The following ZNF823 variants were observed in gnomAD, a reference collection of about 807,000 sequenced individuals.
The protein encoded by ZNF823 is zinc finger protein 823.
A neutral mutation model predicts 11.4 loss-of-function variants in ZNF823; 5 were observed. The ratio of observed to expected loss-of-function variants is 0.44; its 90% CI spans 0.23 to 0.92. The LOEUF (loss-of-function observed/expected upper bound fraction) is 0.92, where lower values mean the gene tolerates loss of function less well. ZNF823 is among the 40% of genes least tolerant of loss of function. The pLI is 0.24. For missense variants in ZNF823, 582 were observed against 738.5 expected, an observed-to-expected ratio of 0.79 and a Z score of 2.46; for synonymous variants, 234 against 250.5, an observed-to-expected ratio of 0.93 and a Z score of 0.62.
At chr19:11,723,768 C>T (rs1974739868) in intron 3 of ZNF823, among the ~76,000 whole-genome samples, 3 of 152,326 alleles carry the variant, frequency 2.0e-5, no homozygotes, top group Middle Eastern at 3.4e-3. Context: ...TGGTCTTGAA[C>T]TCCCGACCTC....
chr19:11,728,835 A>G (rs962622100), intron 1 of ZNF823, among the ~76,000 whole-genome samples: 2 of 152,156 alleles, frequency 1.3e-5, no homozygotes, highest in African/African-American at 4.8e-5. Flanking sequence ...GTGTATATCT[A>G]CATATACCAG....
At chr19:11,733,652 T>C (rs188671402) in intron 1 of ZNF823, among the ~76,000 whole-genome samples, 1 of 152,252 alleles carries the variant, frequency 6.6e-6, no homozygotes, top group East Asian at 1.9e-4. Flanking sequence ...TGAGCCGAGA[T>C]CATGCCACTG....
intron 1 of ZNF823, among the ~76,000 whole-genome samples, chr19:11,736,604 T>C (rs4284746): frequency 0.4 from 61,203 of 152,152 alleles, 12,298 homozygotes; most frequent in African/African-American, 0.44. Context: ...CTTGTTCTTG[T>C]CTCTTTGAAC....
At chr19:11,723,733 C>T (rs1448542121) in intron 3 of ZNF823, among the ~76,000 whole-genome samples, 5 of 152,098 alleles carry the variant, frequency 3.3e-5, no homozygotes, top group African/African-American at 1.2e-4. Flanking sequence ...TTAGTAGAGA[C>T]AGGGTTTCTC....
rs1210305158 is a variant in ZNF823 at position 11,723,157 on chromosome 19, CATG to C, written c.374_376del (p.Ser125del). 5.6e-6 allele frequency: 9 copies of C among 1,614,158 alleles called. 1 individual carries two copies. In the South Asian group the frequency reaches 9.9e-5, roughly 18 times the overall value. ...CTTCTCTCCATATTCCTGATGCTCA[CATG>C]ATTTGTGTCCAGTGTCAACTCTGAT... On this transcript the variant is annotated inframe_deletion, in exon 4 of 4. Transcript: ENST00000341191.
chr19:11,732,871 G>A lies in ZNF823; in HGVS notation c.3+5946C>T, dbSNP rs190233751. 3.9e-3 allele frequency among the ~76,000 whole-genome samples: 599 copies of A among 152,262 alleles called. 17 individuals carry two copies. The highest frequency in any genetic ancestry group is 0.037 in the Admixed American group (570 of 15,288). On this transcript the variant is annotated intron_variant, in intron 1 of 3. Transcript: ENST00000341191. ...CCCTTTCCTGGGGTCAGAAGATGGG[G>A]CTTAAAGTTCCAGTCCTGTCATCAT... is the stretch of plus-strand genomic sequence containing the variant.
intron 1 of ZNF823, among the ~76,000 whole-genome samples, chr19:11,731,919 G>A (rs1312364665): frequency 6.7e-6 from 1 of 149,608 alleles, no homozygotes; most frequent in Non-Finnish European, 1.5e-5. Context: ...TGAGACAGGA[G>A]AATCGTTTGA....
At chr19:11,737,584 C>T (rs414747) in intron 1 of ZNF823, among the ~76,000 whole-genome samples, 16,792 of 46,148 alleles carry the variant, frequency 0.36, 1,968 homozygotes, top group African/African-American at 0.53. Flanking sequence ...TTTTTTTTTT[C>T]ACACTGGAGT....
At chr19:11,732,722 C>G (rs564178163) in intron 1 of ZNF823, among the ~76,000 whole-genome samples, 1 of 152,222 alleles carries the variant, frequency 6.6e-6, no homozygotes, top group Non-Finnish European at 1.5e-5. Flanking sequence ...CGGGAGCCAC[C>G]GCGCCCGGCA....
At chr19:11,738,095 G>C (rs749958389) in intron 1 of ZNF823, among the ~76,000 whole-genome samples, 10 of 152,190 alleles carry the variant, frequency 6.6e-5, no homozygotes, top group Non-Finnish European at 1.3e-4. Flanking sequence ...TTAACCAGGT[G>C]CCCTCAGCCC....
At position 11,729,940 on chromosome 19, in the gene ZNF823, TC is replaced by T. The variant is rs1253521735; in HGVS notation, c.4-4614del. 2.4e-3 allele frequency among the ~76,000 whole-genome samples: 367 copies of T among 151,696 alleles called. 1 individual carries two copies. The highest frequency in any genetic ancestry group is 8.7e-3 in the African/African-American group (358 of 41,376). ...AGTAAAGAATCTTTTTTTTTTTTTT[TC>T]CTTTGAGACGGAGTTTCGCACTTGT... On this transcript the variant is annotated intron_variant, in intron 1 of 3. Transcript: ENST00000341191.
chr19:11,725,319 C>G lies in ZNF823; in HGVS notation c.12G>C (p.Val4=). The G allele has an allele frequency of 1.2e-6, 2 of 1,613,952 alleles. No homozygotes were observed. Among genetic ancestry groups the G allele is most frequent in the Non-Finnish European group, 1.7e-6 (2 of 1,179,870 alleles). ...AGTTCACAGCCACATCTTCAAAGGC[C>G]ACTGAGTCCTGAAACATCCCACATG... is the stretch of plus-strand genomic sequence containing the variant. The part of the protein sequence containing the change: MDS[V]AFEDVAVNFT... The change falls in exon 2 of 4, where the codon GTG becomes GTC. Residue 4 remains valine, a synonymous_variant. Coordinates refer to ENST00000341191, the MANE Select transcript of ZNF823 (RefSeq NM_001080493.4).
intron 1 of ZNF823, among the ~76,000 whole-genome samples, chr19:11,735,850 G>C (rs1478596024): frequency 3.3e-5 from 5 of 152,100 alleles, no homozygotes; most frequent in Non-Finnish European, 1.5e-5. Flanking sequence ...TAGCTTAATA[G>C]AAAAAGCACA....
At position 11,721,869 on chromosome 19, in the gene ZNF823, A is replaced by G. The variant is rs1974686259; in HGVS notation, c.1665T>C (p.Tyr555=). Residue 555 remains tyrosine, a synonymous_variant, in exon 4 of 4, where the codon TAT becomes TAC. Transcript: ENST00000341191. ...HERIHTGEKP[Y]ECLQCGKAFT... is the part of the protein sequence containing the mutation. ...AGGCTTTACCACATTGTAGACATTC[A>G]TAGGGTTTCTCTCCAGTGTGAATTC... 1 of 1,613,706 alleles carries G rather than the reference A, an allele frequency of 6.2e-7. No homozygotes were observed. The highest frequency in any genetic ancestry group is 1.3e-5 in the African/African-American group (1 of 74,792).
chr19:11,731,710 G>C (rs984430762), intron 1 of ZNF823, among the ~76,000 whole-genome samples: 1 of 152,066 alleles, frequency 6.6e-6, no homozygotes, highest in Non-Finnish European at 1.5e-5. Context: ...CCATCCTCTG[G>C]TTCAATAACT....
chr19:11,727,442 G>A (rs1028467025), intron 1 of ZNF823, among the ~76,000 whole-genome samples: 44 of 151,932 alleles, frequency 2.9e-4, no homozygotes, highest in Non-Finnish European at 2.5e-4. Flanking sequence ...CCTGGGAGGC[G>A]GATACTGCAA....
chr19:11,737,417 C>T (rs1975011451), intron 1 of ZNF823, among the ~76,000 whole-genome samples: 1 of 152,156 alleles, frequency 6.6e-6, no homozygotes, highest in Admixed American at 6.6e-5. Flanking sequence ...GCATGAGCCA[C>T]CACCCCGGCT....
chr19:11,722,717 C>T lies in ZNF823; in HGVS notation c.817G>A (p.Glu273Lys). Reference sequence around the variant, plus strand: ...CATTGTGTACATTTATAGGGTTTCTCTCCGGTGTGAGTTCTCTCATGTCTT... The same window carrying T: ...CATTGTGTACATTTATAGGGTTTCTTTCCGGTGTGAGTTCTCTCATGTCTT... ...YLRHERTHTG[E>K]KPYKCTQCGK... Residue 273 changes from glutamate to lysine, a missense_variant, in exon 4 of 4, where the codon GAG (glutamate) becomes AAG (lysine). Transcript: ENST00000341191. This position sits in a 1 kb window ranked among gnomAD's most constrained non-coding sequence, Gnocchi z 5.2. 6.2e-7 allele frequency: 1 copy of T among 1,614,182 alleles called. No individual in the cohort carries two copies. The highest frequency in any genetic ancestry group is 8.5e-7 in the Non-Finnish European group (1 of 1,180,042).
chr19:11,736,591 C>T (rs1974996650), intron 1 of ZNF823, among the ~76,000 whole-genome samples: 1 of 152,146 alleles, frequency 6.6e-6, no homozygotes, highest in African/African-American at 2.4e-5. Context: ...TGCTGAAACC[C>T]AACTTGTTCT....
Sources: allele counts gnomAD v4.1 joint callset (sites outside exome capture counted in the v4.1 genomes callset), GRCh38; gene constraint gnomAD v4.1.1; non-coding constraint Gnocchi (gnomAD v3.1); transcripts MANE v1.5; gene names NCBI Gene and HGNC (gene_info 2026-07-23, HGNC 2026-07-21).